Variants in TEKT4 observed in about 807,000 individuals in gnomAD.
TEKT4 encodes the protein tektin-4.
A neutral mutation model predicts 46.0 loss-of-function variants in TEKT4; 46 were observed. The ratio of observed to expected loss-of-function variants is 1.00; its 90% confidence interval spans 0.79 to 1.28. TEKT4 has a LOEUF of 1.28. Among genes scored for constraint, TEKT4 ranks in the 50% most tolerant of loss-of-function variants. The probability of loss-of-function intolerance (pLI) is 0.00; values close to 1 mark genes in which losing one functional copy is unlikely to be tolerated. For missense variants in TEKT4, 790 were observed against 622.9 expected (o/e 1.27, Z -2.85); for synonymous variants, 325 against 265.8 (o/e 1.22, Z -2.17).
intron 3 of TEKT4, among the ~76,000 whole-genome samples, chr2:94,874,461 G>C (rs1242245635): frequency 5.3e-5 from 8 of 152,014 alleles, no homozygotes; most frequent in African/African-American, 1.9e-4. Context: ...ACTAGGGAAG[G>C]GGGGCTGCGG....
At position 94,872,355 on chromosome 2, in the gene TEKT4, C is replaced by T. The variant is rs1573180705; in HGVS notation, c.498+278C>T. Reference sequence around the variant, plus strand: ...TGACCCTGGGCTCCCTGGGCTAAGCCACAAGGCACCTCCCCAGAGACCCTC... The same window carrying T: ...TGACCCTGGGCTCCCTGGGCTAAGCTACAAGGCACCTCCCCAGAGACCCTC... On this transcript the variant is annotated intron_variant, in intron 1 of 5. Coordinates refer to ENST00000295201, the MANE Select transcript of TEKT4 (RefSeq NM_144705.4). 4.7e-5 allele frequency: 26 copies of T among 548,420 alleles called. No homozygotes were observed. The East Asian group carries it at 8.2e-4, about 17-fold the overall frequency. The allele number at this position is 548,420 out of a possible 1,614,324, so 34.0% of individuals were successfully genotyped here.
At position 94,876,709 on chromosome 2, in the gene TEKT4, G is replaced by C. The variant is rs1553396758; in HGVS notation, c.1248G>C (p.Gln416His). The change falls in exon 6 of 6, where the codon CAG becomes CAC. Residue 416 changes from glutamine to histidine, a missense_variant. Transcript: ENST00000295201. ...CCAACAGTCTCTTCATCGACCGCCAGAAGTGCATGGCCCATCGTACTCGCT... is the reference window on the plus strand; with the variant it reads ...CCAACAGTCTCTTCATCGACCGCCACAAGTGCATGGCCCATCGTACTCGCT... ...AMTNSLFIDR[Q>H]KCMAHRTRYP... 1 of 1,612,484 alleles carries C rather than the reference G, an allele frequency of 6.2e-7. No homozygotes were observed. Among genetic ancestry groups the C allele is most frequent in the Non-Finnish European group, 8.5e-7 (1 of 1,180,026 alleles).
At position 94,871,834 on chromosome 2, in the gene TEKT4, A is replaced by G. The variant is rs1312437930; in HGVS notation, c.255A>G (p.Gln85=). 1.2e-6 allele frequency: 2 copies of G among 1,607,968 alleles called. No homozygotes were observed. The highest frequency in any genetic ancestry group is 1.7e-6 in the Non-Finnish European group (2 of 1,178,138). ...ETQALAQRTQ[Q]DSTRTVGERL... is the part of the protein sequence containing the mutation. The stretch of plus-strand genomic sequence containing the variant: ...AGGCGCTGGCGCAGCGCACGCAGCA[A>G]GACTCCACGCGCACAGTGGGCGAGC... Residue 85 remains glutamine, a synonymous_variant, in exon 1 of 6, where the codon CAA becomes CAG. Transcript: ENST00000295201.
intron 1 of TEKT4, chr2:94,873,277 G>C (rs1314963877): frequency 2.5e-5 from 35 of 1,376,470 alleles, no homozygotes; most frequent in Non-Finnish European, 3.0e-5. Flanking sequence ...CTGCCGCTGA[G>C]GGACCTTCCC....
In TEKT4 at chr2:94,876,133, C is replaced by T. The variant is rs576990689; in HGVS notation, c.1091+391C>T. Among the ~76,000 whole-genome samples, 7 of 152,350 alleles carry T rather than the reference C, an allele frequency of 4.6e-5. No individual in the cohort carries two copies. In the South Asian group the frequency reaches 1.2e-3, roughly 27 times the overall value. ...CACCTCTGGTGGGAAGTATGACCTA[C>T]GCCTGCGCTACAGGCATAGATGTGC... On this transcript the variant is annotated intron_variant, in intron 5 of 5. Transcript: ENST00000295201.
At chr2:94,873,420 C>A (rs1340704593) in intron 1 of TEKT4, 100 bp from the exon 2 acceptor site, 1 of 1,593,092 alleles carries the variant, frequency 6.3e-7, no homozygotes, top group African/African-American at 1.3e-5. Flanking sequence ...CATTCAACTC[C>A]TTGTGGTTGC....
chr2:94,874,769 C>T lies in TEKT4; in HGVS notation c.714-7C>T. 1 of 1,560,076 alleles carries T rather than the reference C, an allele frequency of 6.4e-7. No individual in the cohort carries two copies. Among genetic ancestry groups the T allele is most frequent in the Non-Finnish European group, 8.7e-7 (1 of 1,155,654 alleles). ...CGACCCTCTCCTGGCTGTCCCCCGC[C>T]CCGCAGCGCCTCCACCCCGGAGACC... On this transcript the variant is annotated splice_polypyrimidine_tract_variant and splice_region_variant and intron_variant, in intron 3 of 5. Coordinates refer to ENST00000295201, the MANE Select transcript of TEKT4 (RefSeq NM_144705.4).
rs116183615 is a variant in TEKT4, at chr2:94,874,766, C to G, written c.714-10C>G. Reference sequence around the variant, plus strand: ...CCCCGACCCTCTCCTGGCTGTCCCCCGCCCCGCAGCGCCTCCACCCCGGAG... The same window carrying G: ...CCCCGACCCTCTCCTGGCTGTCCCCGGCCCCGCAGCGCCTCCACCCCGGAG... On this transcript the variant is annotated splice_polypyrimidine_tract_variant and intron_variant, in intron 3 of 5. Coordinates refer to ENST00000295201, the MANE Select transcript of TEKT4 (RefSeq NM_144705.4). 1.3e-6 allele frequency: 2 copies of G among 1,553,578 alleles called. No individual in the cohort carries two copies.
chr2:94,873,230 G>T, intron 1 of TEKT4: 1 of 1,291,814 alleles, frequency 7.7e-7, no homozygotes. Context: ...CACTGAGTGA[G>T]CAGCAGCGAT....
chr2:94,875,087 G>T, intron 4 of TEKT4, 89 bp downstream of exon 4: 1 of 1,352,748 alleles, frequency 7.4e-7, no homozygotes, highest in Non-Finnish European at 1.0e-6. Context: ...TTTATCCCGA[G>T]GGACCCCAGA....
rs112108710 is a variant in TEKT4 at position 94,875,728 on chromosome 2, C to A, written c.1077C>A (p.Asp359Glu). The A allele has an allele frequency of 1.1e-5, 18 of 1,613,824 alleles. No individual in the cohort carries two copies. The South Asian group carries it at 1.6e-4, about 15-fold the overall frequency. Residue 359 changes from aspartate to glutamate, a missense_variant, in exon 5 of 6, where the codon GAC becomes GAA. Coordinates refer to ENST00000295201, the MANE Select transcript of TEKT4 (RefSeq NM_144705.4). ...GGCCCAACATGGAGCTGTGCCGTGA[C>A]GCAGCCCAGTTCAGGTGCTGCCTGG... is the stretch of plus-strand genomic sequence containing the variant. ...SHRPNMELCRDAAQFRLLSEV... is the reference protein window; with the variant it reads ...SHRPNMELCREAAQFRLLSEV...
At chr2:94,873,672 T>G (rs1680684684) in intron 2 of TEKT4, 82 bp downstream of exon 2, 4 of 1,561,650 alleles carry the variant, frequency 2.6e-6, no homozygotes, top group Non-Finnish European at 3.5e-6. Flanking sequence ...GACAGGACCC[T>G]GAGACTCAGA....
In TEKT4 at chr2:94,875,918, CAT is replaced by C. The variant is rs565728679; in HGVS notation, c.1091+177_1091+178del. ...CATGCCTTAAACACACAGACATACACATGACACTGGGCAGGTCATGGGTCGGG... is the reference window on the plus strand; with the variant it reads ...CATGCCTTAAACACACAGACATACACGACACTGGGCAGGTCATGGGTCGGG... On this transcript the variant is annotated intron_variant, in intron 5 of 5. Coordinates refer to ENST00000295201, the MANE Select transcript of TEKT4 (RefSeq NM_144705.4). 4.9e-4 allele frequency among the ~76,000 whole-genome samples: 75 copies of C among 152,338 alleles called. 1 individual carries two copies. In the South Asian group the frequency reaches 0.013, roughly 26 times the overall value.
intron 1 of TEKT4, chr2:94,872,617 G>A (rs1680628635): frequency 2.8e-6 from 1 of 359,830 alleles, no homozygotes; most frequent in Non-Finnish European, 5.4e-6. Context: ...CTCAGTCCTG[G>A]CCCAGATGCT....
At position 94,871,539 on chromosome 2, in the gene TEKT4, C is replaced by G. The variant is rs1434759845; in HGVS notation, c.-41C>G. 6.5e-7 allele frequency: 1 copy of G among 1,536,680 alleles called. No individual in the cohort carries two copies. Among genetic ancestry groups the G allele is most frequent in the Non-Finnish European group, 8.8e-7 (1 of 1,142,192 alleles). The stretch of plus-strand genomic sequence containing the variant: ...GGCTGACCGCAACCGGCTGACCACA[C>G]ACAGTCCTCACTCCCCTGGCCCTGG... On this transcript the variant is annotated 5_prime_UTR_variant, in exon 1 of 6. Coordinates refer to ENST00000295201, the MANE Select transcript of TEKT4 (RefSeq NM_144705.4).
Position 94,876,534 on chromosome 2 carries a change from A to AC in TEKT4, c.1092-12dup, listed in dbSNP as rs529845717. 6.5e-5 allele frequency: 104 copies of AC among 1,587,976 alleles called. No homozygotes were observed. Among genetic ancestry groups the AC allele is most frequent in the African/African-American group, 3.9e-4 (29 of 73,948 alleles). On this transcript the variant is annotated intron_variant, in intron 5 of 5. Transcript: ENST00000295201. ...TCTGCCCTCCCTAGCCCCGGCTCAC[A>AC]CCCCCCCAACACCCCCAGGCTGTTG...
intron 1 of TEKT4, 158 bp downstream of exon 1, chr2:94,872,235 G>C (rs1358211579): frequency 1.0e-6 from 1 of 952,418 alleles, no homozygotes; most frequent in East Asian, 2.7e-5. Flanking sequence ...GCCCCTTAGT[G>C]ACAGGAGGCA....
In TEKT4 at chr2:94,874,068, G is replaced by C. The variant is rs201231094; in HGVS notation, c.673G>C (p.Glu225Gln). ...CGGGCGCCACCACAGCCAGAGCACC[G>C]AGGTGCAGGCTCATCCGTACTCCAC... is the stretch of plus-strand genomic sequence containing the variant. ...TCGRHHSQST[E>Q]VQAHPYSTTF... is the part of the protein sequence containing the mutation. Residue 225 changes from glutamate to glutamine, a missense_variant, in exon 3 of 6, where the codon GAG becomes CAG. Transcript: ENST00000295201. 6.2e-7 allele frequency: 1 copy of C among 1,613,640 alleles called. No individual in the cohort carries two copies. Among genetic ancestry groups the C allele is most frequent in the Admixed American group, 1.7e-5 (1 of 60,022 alleles).
intron 5 of TEKT4, 55 bp downstream of exon 5, chr2:94,875,797 T>C: frequency 6.4e-7 from 1 of 1,567,120 alleles, no homozygotes; most frequent in Non-Finnish European, 8.7e-7. Context: ...CTCCTCCCTG[T>C]GACTCTCTCC....
Sources: gnomAD v4.1 joint callset for allele counts (sites outside exome capture counted in the v4.1 genomes callset) on GRCh38, gnomAD v4.1.1 for gene constraint, MANE v1.5 for transcripts, NCBI Gene and HGNC (gene_info 2026-07-23, HGNC 2026-07-21) for gene names.